Variants in KLF13 observed in about 807,000 individuals in gnomAD.
The protein encoded by KLF13 is Krueppel-like factor 13.
In KLF13, 8 loss-of-function variants were observed where a neutral mutation model predicts 16.7. The ratio of observed to expected loss-of-function variants is 0.48; its 90% CI spans 0.28 to 0.87. The LOEUF (loss-of-function observed/expected upper bound fraction) is 0.87. KLF13 is among the 40% of genes least tolerant of loss of function. The probability of loss-of-function intolerance (pLI) is 0.10; values close to 1 mark genes in which losing one functional copy is unlikely to be tolerated. For synonymous variants in KLF13, 245 were observed against 208.4 expected (o/e 1.18, Z -1.51); for missense variants, 447 against 452.2 (o/e 0.99, Z 0.10).
intron 1 of KLF13, among the ~76,000 whole-genome samples, chr15:31,435,042 C>T (rs905885110): frequency 6.6e-6 from 1 of 152,234 alleles, no homozygotes; most frequent in Admixed American, 6.5e-5. Context: ...GCTCAGCCTC[C>T]TTGAATCACC....
intron 1 of KLF13, among the ~76,000 whole-genome samples, chr15:31,362,553 G>C (rs758969585): frequency 2.6e-5 from 4 of 152,202 alleles, no homozygotes; most frequent in Non-Finnish European, 5.9e-5. Flanking sequence ...TTGAATGTCT[G>C]ATTTTTAAAT....
At chr15:31,365,278 A>G (rs942921896) in intron 1 of KLF13, among the ~76,000 whole-genome samples, 2 of 152,184 alleles carry the variant, frequency 1.3e-5, no homozygotes, top group Non-Finnish European at 2.9e-5. Context: ...GCCTCCAGAT[A>G]CACACCCACA....
downstream of KLF13, among the ~76,000 whole-genome samples, chr15:31,408,734 A>T (rs533740795): frequency 7.4e-4 from 112 of 152,332 alleles, 2 homozygotes; most frequent in South Asian, 1.2e-3. Context: ...CGGACAGGGA[A>T]CTTAAAATTG....
chr15:31,408,215 A>T (rs2040150881), downstream of KLF13, among the ~76,000 whole-genome samples: 1 of 152,260 alleles, frequency 6.6e-6, no homozygotes, highest in Non-Finnish European at 1.5e-5. Flanking sequence ...AGAGCAATTA[A>T]TAGATTTCAT....
chr15:31,380,796 G>A (rs1168091273), downstream of KLF13, among the ~76,000 whole-genome samples: 2 of 152,192 alleles, frequency 1.3e-5, no homozygotes, highest in African/African-American at 2.4e-5. Context: ...CCACCGTTAC[G>A]CATCAGAGAC....
chr15:31,383,917 AAAT>A (rs2039763273), intron 1 of KLF13, among the ~76,000 whole-genome samples: 1 of 133,712 alleles, frequency 7.5e-6, no homozygotes. Flanking sequence ...ATAAATAAAT[AAAT>A]AAATAAAATA....
chr15:31,337,867 A>T (rs928872716), intron 1 of KLF13, among the ~76,000 whole-genome samples: 3 of 152,324 alleles, frequency 2.0e-5, no homozygotes, highest in African/African-American at 7.2e-5. Context: ...GGTAAGCCTG[A>T]GGGGCTTTGC....
In KLF13 at chr15:31,374,193, G is replaced by A. The variant is rs896508963; in HGVS notation, c.*1894G>A. 27 of 152,660 alleles carry A rather than the reference G, an allele frequency of 1.8e-4. No homozygotes were observed. Among genetic ancestry groups the A allele is most frequent in the Non-Finnish European group, 7.3e-5 (5 of 68,218 alleles). 9.5% of individuals were successfully genotyped at this position (152,660 alleles called of 1,614,324 possible). A position where few individuals can be genotyped will look rare whatever the true frequency, so the allele number is the denominator to read the frequency against. On this transcript the variant is annotated 3_prime_UTR_variant, in exon 2 of 2. Transcript: ENST00000307145. ...AGCAGCTGCTCAGGCACAGTATGCC[G>A]TCAGGTGCCCGCTTCTTACCACTGT...
downstream of KLF13, among the ~76,000 whole-genome samples, chr15:31,408,350 C>T (rs143449186): frequency 6.6e-5 from 10 of 152,334 alleles, no homozygotes; most frequent in East Asian, 1.9e-3. Flanking sequence ...GTATAGGTCA[C>T]TTCTCCCCTA....
At chr15:31,391,389 G>C (rs1566832122), upstream of KLF13, among the ~76,000 whole-genome samples, 1 of 121,808 alleles carries the variant, frequency 8.2e-6, no homozygotes, top group East Asian at 2.5e-4. Flanking sequence ...TGGGGGCTGG[G>C]TTTGTGGGGC....
downstream of KLF13, among the ~76,000 whole-genome samples, chr15:31,406,696 A>C (rs1353943226): frequency 6.6e-6 from 1 of 152,200 alleles, no homozygotes; most frequent in Non-Finnish European, 1.5e-5. Flanking sequence ...TTCCTTCTGG[A>C]GGCTCTAAGG....
intron 1 of KLF13, among the ~76,000 whole-genome samples, chr15:31,425,232 T>G (rs1595515306): frequency 1.3e-5 from 2 of 152,296 alleles, no homozygotes; most frequent in South Asian, 4.1e-4. Context: ...GCAGATCCAC[T>G]GCAATACTTA....
In KLF13 at chr15:31,422,135, A is replaced by AAAC. The variant is rs1555383212; in HGVS notation, n.118-13233_118-13232insCAA. ...ATCTCAAAAACAAACAAACAAACAA[A>AAAC]AAAAAAAAAAAAAGAAAAAAGAAAT... On this transcript the variant is annotated intron_variant and non_coding_transcript_variant, in intron 1 of 1. Coordinates refer to the KLF13 transcript ENST00000558225. 5.0e-3 allele frequency among the ~76,000 whole-genome samples: 619 copies of AAAC among 123,236 alleles called. 3 individuals are homozygous for AAAC. Among genetic ancestry groups the AAAC allele is most frequent in the African/African-American group, 0.018 (591 of 32,376 alleles). 80.8% of individuals were successfully genotyped at this position (123,236 alleles called of 152,430 possible).
At chr15:31,416,021 T>G (rs181327499) in intron 1 of KLF13, among the ~76,000 whole-genome samples, 8 of 152,208 alleles carry the variant, frequency 5.3e-5, no homozygotes, top group Admixed American at 5.2e-4. Context: ...AAAAGGGATT[T>G]TAAAGAAATG....
At chr15:31,353,722 CAG>C (rs2039254232) in intron 1 of KLF13, among the ~76,000 whole-genome samples, 1 of 152,136 alleles carries the variant, frequency 6.6e-6, no homozygotes, top group Non-Finnish European at 1.5e-5. Context: ...TGGCTGTGGC[CAG>C]AGTTCCAACA....
At chr15:31,396,759 T>G (rs565125240) in intron 2 of KLF13, among the ~76,000 whole-genome samples, 1 of 152,342 alleles carries the variant, frequency 6.6e-6, no homozygotes, top group East Asian at 1.9e-4. Context: ...GCTGCGTGAC[T>G]CCTAAACCAT....
At chr15:31,432,265 C>G (rs2040481774) in intron 1 of KLF13, among the ~76,000 whole-genome samples, 1 of 152,058 alleles carries the variant, frequency 6.6e-6, no homozygotes, top group African/African-American at 2.4e-5. Context: ...GACCGCCTCT[C>G]TCTGCTCCCT....
chr15:31,371,907 G>A, intron 1 of KLF13, 103 bp from the exon 2 acceptor site: 1 of 1,272,998 alleles, frequency 7.9e-7, no homozygotes. Flanking sequence ...ATGTGGGAGG[G>A]GTGTTGAGAG....
chr15:31,400,142 A>AAC (rs1326947960), intron 2 of KLF13, among the ~76,000 whole-genome samples: 1 of 151,780 alleles, frequency 6.6e-6, no homozygotes, highest in Non-Finnish European at 1.5e-5. Context: ...CTCCTGTTCC[A>AAC]CCCCCACTCT....
Sources: allele counts gnomAD v4.1 joint callset (sites outside exome capture counted in the v4.1 genomes callset), GRCh38; gene constraint gnomAD v4.1.1; transcripts MANE v1.5; gene names NCBI Gene and HGNC (gene_info 2026-07-23, HGNC 2026-07-21).